Variants in ZNF366 observed in about 807,000 individuals in gnomAD.
ZNF366 encodes the protein dendritic cell-specific transcript protein.
In ZNF366, 20 loss-of-function variants were observed where a neutral mutation model predicts 47.2. The observed-to-expected ratio is 0.42, with a 90% CI of 0.30 to 0.62. The LOEUF (loss-of-function observed/expected upper bound fraction) is 0.62. ZNF366 is among the 20% of genes least tolerant of loss of function. The pLI, the probability that ZNF366 is intolerant of heterozygous loss-of-function variation, is 0.16. For synonymous variants in ZNF366, 421 were observed against 395.1 expected (o/e 1.07, Z -0.78); for missense variants, 987 against 976.3 (o/e 1.01, Z -0.15).
At chr5:72,448,281 ACT>A (rs1742998731) in intron 3 of ZNF366, among the ~76,000 whole-genome samples, 1 of 151,808 alleles carries the variant, frequency 6.6e-6, no homozygotes, top group South Asian at 2.1e-4. Context: ...CATGTTTTAT[ACT>A]CTTTCTTTCT....
At chr5:72,488,167 C>A (rs1270663040) in intron 1 of ZNF366, among the ~76,000 whole-genome samples, 1 of 151,410 alleles carries the variant, frequency 6.6e-6, no homozygotes, top group Non-Finnish European at 1.5e-5. Flanking sequence ...AAGATTGCAC[C>A]ATTGCACTCC....
intron 2 of ZNF366, among the ~76,000 whole-genome samples, chr5:72,458,012 C>CTTTTTTTT (rs1228705988): frequency 1.4e-3 from 133 of 97,038 alleles, no homozygotes; most frequent in Non-Finnish European, 1.7e-3. Flanking sequence ...TAGCATCTTT[C>CTTTTTTTT]TTTTTTTTTT....
Position 72,443,739 on chromosome 5 carries a change from A to T in ZNF366, c.*17T>A. On this transcript the variant is annotated 3_prime_UTR_variant, in exon 5 of 5. Transcript: ENST00000318442. ...GCCTCCTTCTCATTTTCCAAATGTA[A>T]TTTTAAAACTGTCCACTTAGATACC... is the stretch of plus-strand genomic sequence containing the variant. 6.3e-7 allele frequency: 1 copy of T among 1,592,852 alleles called. No homozygotes were observed. Among genetic ancestry groups the T allele is most frequent in the South Asian group, 1.1e-5 (1 of 88,096 alleles).
At chr5:72,464,249 A>C (rs1467858875) in intron 1 of ZNF366, among the ~76,000 whole-genome samples, 1 of 152,210 alleles carries the variant, frequency 6.6e-6, no homozygotes, top group East Asian at 1.9e-4. Flanking sequence ...TCTTAAGTAC[A>C]TGGCTAATGA....
chr5:72,488,323 AT>A (rs1247278392), intron 1 of ZNF366, among the ~76,000 whole-genome samples: 1 of 151,846 alleles, frequency 6.6e-6, no homozygotes, highest in East Asian at 1.9e-4. Context: ...AAGTATTGTT[AT>A]TTTATTGCTC....
intron 1 of ZNF366, among the ~76,000 whole-genome samples, chr5:72,483,354 T>C (rs1429875353): frequency 1.3e-5 from 2 of 152,084 alleles, no homozygotes; most frequent in African/African-American, 4.8e-5. Context: ...ATGCCAGACA[T>C]TTAGATAATG....
intron 2 of ZNF366, among the ~76,000 whole-genome samples, chr5:72,457,517 CA>C (rs1580235455): frequency 6.6e-6 from 1 of 152,246 alleles, no homozygotes; most frequent in East Asian, 1.9e-4. Context: ...TGATGAAATC[CA>C]TATTGCCTGG....
Position 72,440,331 on chromosome 5 carries a change from G to C in ZNF366, c.*3425C>G, listed in dbSNP as rs1309881164. 6 of 152,176 alleles carry C rather than the reference G, an allele frequency of 3.9e-5. No individual in the cohort carries two copies. The highest frequency in any genetic ancestry group is 3.3e-4 in the Admixed American group (5 of 15,280). 9.4% of individuals were successfully genotyped at this position (152,176 alleles called of 1,614,324 possible). ...CGGTGGGGAGTCAAATTTTTAAAAA[G>C]AGAGACAGAAAGAGGAATTGAAAGG... On this transcript the variant is annotated 3_prime_UTR_variant, in exon 5 of 5. Transcript: ENST00000318442.
intron 1 of ZNF366, among the ~76,000 whole-genome samples, chr5:72,469,724 A>G (rs927495289): frequency 1.3e-5 from 2 of 152,206 alleles, no homozygotes; most frequent in Non-Finnish European, 2.9e-5. Context: ...ACAATCTTCT[A>G]TAATTGCCCT....
At chr5:72,494,355 C>A (rs1744071278) in intron 1 of ZNF366, 1 of 152,140 alleles carries the variant, frequency 6.6e-6, no homozygotes, top group African/African-American at 2.4e-5. Context: ...TAATGTGAGA[C>A]CAGCAAGAAT....
chr5:72,448,135 G>T (rs2112316244), intron 3 of ZNF366, among the ~76,000 whole-genome samples: 1 of 152,244 alleles, frequency 6.6e-6, no homozygotes, highest in South Asian at 2.1e-4. Flanking sequence ...TGCTTTTTAA[G>T]TTGCTTTATT....
intron 4 of ZNF366, among the ~76,000 whole-genome samples, chr5:72,446,268 T>C (rs1490445989): frequency 3.9e-5 from 6 of 152,248 alleles, no homozygotes; most frequent in African/African-American, 1.4e-4. Flanking sequence ...CACGGCATTG[T>C]AGGGCCAAGC....
At position 72,442,430 on chromosome 5, in the gene ZNF366, TG is replaced by T. The variant is rs1388972112; in HGVS notation, c.*1325del. 5 of 152,014 alleles carry T rather than the reference TG, an allele frequency of 3.3e-5. No homozygotes were observed. Among genetic ancestry groups the T allele is most frequent in the Non-Finnish European group, 5.9e-5 (4 of 68,010 alleles). 9.4% of individuals were successfully genotyped at this position (152,014 alleles called of 1,614,324 possible). ...CTTAATGGGTAAGGCCTTGGTTTGG[TG>T]GTTTTTTTTTAAAGGTCACCCCAGA... On this transcript the variant is annotated 3_prime_UTR_variant, in exon 5 of 5. Transcript: ENST00000318442.
At position 72,453,122 on chromosome 5, in the gene ZNF366, G is replaced by A. The variant is rs142156807; in HGVS notation, c.1524+3282C>T. 2.5e-4 allele frequency among the ~76,000 whole-genome samples: 38 copies of A among 152,278 alleles called. No individual in the cohort carries two copies. In the East Asian group the frequency reaches 5.6e-3, roughly 22 times the overall value. ...TCCCACAGTGAGTGAACATTTCTGC[G>A]TGCTAGGGACAGCTGTTTCCACTGA... On this transcript the variant is annotated intron_variant, in intron 3 of 4. Coordinates refer to ENST00000318442, the MANE Select transcript of ZNF366 (RefSeq NM_152625.3).
At chr5:72,469,705 G>A (rs1159433798) in intron 1 of ZNF366, among the ~76,000 whole-genome samples, 1 of 152,152 alleles carries the variant, frequency 6.6e-6, no homozygotes, top group Non-Finnish European at 1.5e-5. Context: ...TTGATTGCAT[G>A]TTCAGTGAAC....
intron 1 of ZNF366, among the ~76,000 whole-genome samples, chr5:72,503,274 C>G (rs1744250747): frequency 6.6e-6 from 1 of 152,080 alleles, no homozygotes; most frequent in African/African-American, 2.4e-5. Flanking sequence ...CTAATAGCTT[C>G]TAAAATAACA....
chr5:72,461,147 G>T lies in ZNF366; in HGVS notation c.350C>A (p.Pro117Gln). The change falls in exon 2 of 5, where the codon CCG becomes CAG. Residue 117 changes from proline (P) to glutamine (Q), a missense_variant. By Grantham distance (76) the Pro-to-Gln change is moderately conservative. Around this residue, in one of 3 missense-constraint regions of ZNF366, gnomAD observed 591 missense variants for 560.9 expected, o/e 1.05. Transcript: ENST00000318442. ...GTCATACTTGGGGCGCGGGGGCTGC[G>T]GGAACAGCAAAGGGAGGTTGGGAAG... ...HGLPNLPLLFPQPPRPKYDSQ... is the reference protein window; with the variant it reads ...HGLPNLPLLFQQPPRPKYDSQ... 1 of 1,614,162 alleles carries T rather than the reference G, an allele frequency of 6.2e-7. No homozygotes were observed. The highest frequency in any genetic ancestry group is 8.5e-7 in the Non-Finnish European group (1 of 1,180,012).
At position 72,507,304 on chromosome 5, in the gene ZNF366, GCT is replaced by G. The variant is rs955452537; in HGVS notation, c.-70_-69del. The stretch of plus-strand genomic sequence containing the variant: ...AGCCCCACTCCTTTACCTGATCCCT[GCT>G]CTCTCTGTCTCTCTCCCTCTCTCTC... On this transcript the variant is annotated 5_prime_UTR_variant, in exon 1 of 5. Transcript: ENST00000318442. 22 of 985,438 alleles carry G rather than the reference GCT, an allele frequency of 2.2e-5. No homozygotes were observed. In the East Asian group the frequency reaches 1.0e-3, roughly 46 times the overall value. 61.0% of individuals were successfully genotyped at this position (985,438 alleles called of 1,614,324 possible).
At chr5:72,489,742 G>A (rs1198234823) in intron 1 of ZNF366, among the ~76,000 whole-genome samples, 2 of 152,224 alleles carry the variant, frequency 1.3e-5, no homozygotes, top group African/African-American at 4.8e-5. Context: ...CCTGAATGGA[G>A]CAAAGTTGGG....
Sources: gnomAD v4.1 joint callset for allele counts (sites outside exome capture counted in the v4.1 genomes callset) on GRCh38, gnomAD v4.1.1 for gene constraint, gnomAD v4.1.1 regional missense constraint, MANE v1.5 for transcripts, NCBI Gene and HGNC (gene_info 2026-07-23, HGNC 2026-07-21) for gene names.